PRKCZ: variants seen among roughly 807,000 people sequenced by gnomAD.
PRKCZ encodes the protein protein kinase C zeta.
A neutral mutation model predicts 79.5 loss-of-function variants in PRKCZ; 33 were observed. The observed-to-expected ratio is 0.41, with a 90% CI of 0.31 to 0.55. The LOEUF (loss-of-function observed/expected upper bound fraction) is 0.55. PRKCZ is among the 20% of genes least tolerant of loss of function. The pLI is 0.19. For synonymous variants in PRKCZ, 342 were observed against 320.9 expected (o/e 1.07, Z -0.70); for missense variants, 578 against 813.5 (o/e 0.71, Z 3.52).
At chr1:2,151,731 A>C (rs956049152) in intron 9 of PRKCZ, among the ~76,000 whole-genome samples, 124 of 152,244 alleles carry the variant, frequency 8.1e-4, no homozygotes, top group African/African-American at 2.9e-3. Context: ...ATCACAGCCC[A>C]CTATAGCCTC....
intron 4 of PRKCZ, among the ~76,000 whole-genome samples, chr1:2,061,312 C>G (rs1366713053): frequency 6.6e-6 from 1 of 152,094 alleles, no homozygotes. Context: ...CTGTCTACGA[C>G]CTCGGCATTG....
intron 4 of PRKCZ, among the ~76,000 whole-genome samples, chr1:2,089,974 C>G (rs779355568): frequency 1.3e-5 from 2 of 152,150 alleles, no homozygotes; most frequent in Non-Finnish European, 2.9e-5. Context: ...AGGGCTGGTT[C>G]CCGGAGGCCG....
At chr1:2,115,567 G>T (rs149257532) in intron 4 of PRKCZ, among the ~76,000 whole-genome samples, 316 of 152,294 alleles carry the variant, frequency 2.1e-3, no homozygotes, top group African/African-American at 7.3e-3. Context: ...CAGATGAAGG[G>T]CTCATTCCCA....
At chr1:2,147,882 G>A (rs1055940612) in intron 7 of PRKCZ, among the ~76,000 whole-genome samples, 3 of 150,012 alleles carry the variant, frequency 2.0e-5, no homozygotes, top group Admixed American at 6.6e-5. Context: ...CCATCTGTCT[G>A]TAGTCCACTG....
At chr1:2,067,128 G>A (rs931459888) in intron 4 of PRKCZ, among the ~76,000 whole-genome samples, 2 of 152,184 alleles carry the variant, frequency 1.3e-5, no homozygotes, top group Admixed American at 1.3e-4. Context: ...TGTGGTTGGA[G>A]AATATACTTT....
intron 4 of PRKCZ, among the ~76,000 whole-genome samples, chr1:2,109,382 C>T (rs1669255548): frequency 6.6e-6 from 1 of 152,222 alleles, no homozygotes; most frequent in African/African-American, 2.4e-5. Flanking sequence ...TGGGGGGTGA[C>T]CCTTGACCTT....
chr1:2,163,673 G>A (rs933392093), intron 10 of PRKCZ, among the ~76,000 whole-genome samples: 70 of 151,924 alleles, frequency 4.6e-4, no homozygotes, highest in Non-Finnish European at 8.4e-4. Context: ...GGTAGATCAC[G>A]AGGTCAGGAG....
intron 5 of PRKCZ, among the ~76,000 whole-genome samples, chr1:2,139,760 C>T (rs1268246762): frequency 6.6e-6 from 1 of 152,198 alleles, no homozygotes; most frequent in African/African-American, 2.4e-5. Context: ...AAGAAATCAC[C>T]CGTCATTCGG....
chr1:2,096,399 C>T (rs975716282), intron 4 of PRKCZ, among the ~76,000 whole-genome samples: 1 of 151,976 alleles, frequency 6.6e-6, no homozygotes. Flanking sequence ...ACTGGGAGCA[C>T]GGGTGAGGTG....
At chr1:2,145,523 G>C (rs917226001) in intron 6 of PRKCZ, 6 of 153,808 alleles carry the variant, frequency 3.9e-5, no homozygotes, top group African/African-American at 1.4e-4. Context: ...TAATGTTTAT[G>C]TTCTTTATCT....
intron 15 of PRKCZ, 70 bp from the exon 16 acceptor site, chr1:2,175,154 A>G (rs1685193582): frequency 2.2e-6 from 3 of 1,375,118 alleles, no homozygotes; most frequent in Non-Finnish European, 3.1e-6. Flanking sequence ...GGGAGTGGCC[A>G]CCAAGGAGAG....
At chr1:2,135,494 T>G in intron 5 of PRKCZ, 147 bp downstream of exon 5, 1 of 742,148 alleles carries the variant, frequency 1.3e-6, no homozygotes, top group Non-Finnish European at 2.1e-6. Context: ...CTTTCTCTGG[T>G]GCAGGATGAG....
chr1:2,136,501 A>G (rs1040406755), intron 5 of PRKCZ, among the ~76,000 whole-genome samples: 1 of 152,016 alleles, frequency 6.6e-6, no homozygotes, highest in Admixed American at 6.6e-5. Flanking sequence ...TGCAGAGGAG[A>G]TGCCAGGAGC....
intron 4 of PRKCZ, chr1:2,073,760 C>A: frequency 3.0e-6 from 3 of 1,008,884 alleles, no homozygotes; most frequent in Non-Finnish European, 3.6e-6. Context: ...GGACAGCCGG[C>A]CTTCCGTTAA....
chr1:2,157,059 A>G (rs1361147662), intron 10 of PRKCZ, among the ~76,000 whole-genome samples: 2 of 152,256 alleles, frequency 1.3e-5, no homozygotes, highest in Non-Finnish European at 2.9e-5. Flanking sequence ...CCTGAGAGCC[A>G]GGAGCTGATG....
intron 4 of PRKCZ, among the ~76,000 whole-genome samples, chr1:2,081,375 G>A (rs74692133): frequency 0.017 from 2,651 of 152,216 alleles, 90 homozygotes; most frequent in African/African-American, 0.06. Context: ...GGGTGCTGAC[G>A]GGTCTCTGGC....
chr1:2,106,040 C>T (rs1158045555), intron 4 of PRKCZ, among the ~76,000 whole-genome samples: 1 of 152,236 alleles, frequency 6.6e-6, no homozygotes, highest in Non-Finnish European at 1.5e-5. Context: ...CCTTCCACGT[C>T]TCCTGGCCAT....
chr1:2,064,535 A>G (rs1660964019), intron 4 of PRKCZ, among the ~76,000 whole-genome samples: 1 of 152,160 alleles, frequency 6.6e-6, no homozygotes, highest in South Asian at 2.1e-4. Context: ...TCCTGAGTTA[A>G]TTTTTGTATG....
At chr1:2,052,498 C>T (rs1659771769) in intron 1 of PRKCZ, among the ~76,000 whole-genome samples, 1 of 151,772 alleles carries the variant, frequency 6.6e-6, no homozygotes. Flanking sequence ...TTCCCTGCCA[C>T]ACCTCTTCCT....
Sources: gnomAD v4.1 joint callset for allele counts (sites outside exome capture counted in the v4.1 genomes callset) on GRCh38, gnomAD v4.1.1 for gene constraint, MANE v1.5 for transcripts, NCBI Gene and HGNC (gene_info 2026-07-23, HGNC 2026-07-21) for gene names.